The following CADPS variants were observed in gnomAD, a reference collection of about 807,000 sequenced individuals.
The protein encoded by CADPS is calcium-dependent secretion activator 1.
In CADPS, 57 loss-of-function variants were observed where a neutral mutation model predicts 167.3. That is an observed-to-expected ratio of 0.34 (90% CI 0.28 to 0.42). CADPS has a LOEUF of 0.42. CADPS is among the 20% of genes least tolerant of loss of function. The pLI is 1.00. For missense variants in CADPS, 1,414 were observed against 1,738.1 expected, an observed-to-expected ratio of 0.81 and a Z score of 3.32; for synonymous variants, 676 against 635.3, an observed-to-expected ratio of 1.06 and a Z score of -0.96.
intron 1 of CADPS, among the ~76,000 whole-genome samples, chr3:62,848,027 C>T (rs2077813886): frequency 8.5e-6 from 1 of 118,286 alleles, no homozygotes; most frequent in Non-Finnish European, 1.7e-5. Context: ...CTCTGATGGC[C>T]AGTGATGATG....
At chr3:62,675,616 T>A (rs978592012) in intron 3 of CADPS, among the ~76,000 whole-genome samples, 9 of 152,122 alleles carry the variant, frequency 5.9e-5, no homozygotes, top group African/African-American at 2.2e-4. Context: ...CAATATTGGC[T>A]GCAATACACA....
In CADPS at chr3:62,557,413, G is replaced by A. The variant is rs1221521130; in HGVS notation, c.1745C>T (p.Pro582Leu). ...LDGYTVDYTD[P>L]QPGLEGGRAF... Reference sequence around the variant, plus strand: ...TGAGGGTCGGTGGGTACCTGGCTGGGGGTCGGTGTAATCCACAGTGTAGCC... The same window carrying A: ...TGAGGGTCGGTGGGTACCTGGCTGGAGGTCGGTGTAATCCACAGTGTAGCC... The change falls in exon 10 of 30, where the codon CCC (proline) becomes CTC (leucine). Residue 582 changes from proline (P) to leucine (L), a missense_variant. Transcript: ENST00000383710. The A allele has an allele frequency of 6.2e-7, 1 of 1,612,984 alleles. No individual in the cohort carries two copies. The highest frequency in any genetic ancestry group is 2.2e-5 in the East Asian group (1 of 44,874).
At chr3:62,477,389 G>A (rs1026006460) in intron 23 of CADPS, among the ~76,000 whole-genome samples, 1 of 151,824 alleles carries the variant, frequency 6.6e-6, no homozygotes, top group African/African-American at 2.4e-5. Flanking sequence ...TGTGTATCTG[G>A]GGGTAGACAG....
At chr3:62,411,435 C>G (rs1653668236) in intron 28 of CADPS, among the ~76,000 whole-genome samples, 1 of 152,078 alleles carries the variant, frequency 6.6e-6, no homozygotes, top group African/African-American at 2.4e-5. Flanking sequence ...CAAAAGTGAA[C>G]TATTATTTAA....
intron 3 of CADPS, among the ~76,000 whole-genome samples, chr3:62,681,411 G>C (rs907483909): frequency 6.6e-6 from 1 of 152,040 alleles, no homozygotes; most frequent in Non-Finnish European, 1.5e-5. Context: ...CATAACCTTA[G>C]AGACTGGCAC....
At chr3:62,694,299 A>G (rs2079850734) in intron 3 of CADPS, among the ~76,000 whole-genome samples, 1 of 152,142 alleles carries the variant, frequency 6.6e-6, no homozygotes, top group Non-Finnish European at 1.5e-5. Flanking sequence ...TCTGTGCCAT[A>G]ATTGGTTTGA....
In CADPS at chr3:62,793,946, C is replaced by A. The variant is rs766552922; in HGVS notation, c.442-27962G>T. On this transcript the variant is annotated intron_variant, in intron 1 of 29. Transcript: ENST00000383710. The stretch of plus-strand genomic sequence containing the variant: ...GGAACTCCCTGGGGTGTCCTAGAGC[C>A]AAGAAGTCCAGGCAAAACTAAAGAT... Among the ~76,000 whole-genome samples, 113 of 152,248 alleles carry A rather than the reference C, an allele frequency of 7.4e-4. 1 individual carries two copies. The highest frequency in any genetic ancestry group is 1.4e-3 in the Non-Finnish European group (93 of 68,012).
chr3:62,637,462 T>G (rs1239745122), intron 6 of CADPS, among the ~76,000 whole-genome samples: 1 of 152,210 alleles, frequency 6.6e-6, no homozygotes, highest in Non-Finnish European at 1.5e-5. Context: ...GAGCCTCTTT[T>G]TAGACTCACG....
intron 2 of CADPS, among the ~76,000 whole-genome samples, chr3:62,757,997 C>T (rs982116593): frequency 8.5e-5 from 13 of 152,190 alleles, no homozygotes; most frequent in African/African-American, 2.7e-4. Flanking sequence ...CCCCATGACA[C>T]GTGGGAATTA....
At chr3:62,556,671 C>T (rs918804063) in intron 10 of CADPS, among the ~76,000 whole-genome samples, 4 of 151,652 alleles carry the variant, frequency 2.6e-5, no homozygotes, top group Non-Finnish European at 4.4e-5. Context: ...AGGCTGATTT[C>T]TATTCATTTT....
At chr3:62,870,714 C>T (rs1045376365) in intron 1 of CADPS, among the ~76,000 whole-genome samples, 1 of 152,130 alleles carries the variant, frequency 6.6e-6, no homozygotes, top group African/African-American at 2.4e-5. Flanking sequence ...TCATTTTAAA[C>T]TATTAGAATA....
rs144449846 is a variant in CADPS, at chr3:62,874,709, C to T, written c.321G>A (p.Arg107=). The T allele has an allele frequency of 1.3e-6, 2 of 1,545,684 alleles. No homozygotes were observed. Among genetic ancestry groups the T allele is most frequent in the Non-Finnish European group, 8.8e-7 (1 of 1,140,996 alleles). ...VSEKEKEELE[R]LQKEEEERKK... ...TCCTCTCCTCCTCCTCTTTCTGCAG[C>T]CGCTCCAACTCTTCCTTCTCCTTCT... Residue 107 remains arginine (R), a synonymous_variant, in exon 1 of 30, where the codon CGG becomes CGA. Coordinates refer to ENST00000383710, the MANE Select transcript of CADPS (RefSeq NM_003716.4). The surrounding 1 kb of genome is among the most constrained non-coding windows in gnomAD (Gnocchi z 7.1).
chr3:62,638,389 C>T (rs2149875835), intron 6 of CADPS, among the ~76,000 whole-genome samples: 1 of 152,146 alleles, frequency 6.6e-6, no homozygotes, highest in South Asian at 2.1e-4. Flanking sequence ...AATACAGTGG[C>T]TTTTCACATT....
intron 1 of CADPS, among the ~76,000 whole-genome samples, chr3:62,828,630 G>T (rs2074494580): frequency 6.6e-6 from 1 of 152,052 alleles, no homozygotes; most frequent in Admixed American, 6.6e-5. Flanking sequence ...TATATTCACA[G>T]TTGAGGGCCA....
Position 62,599,861 on chromosome 3 carries a change from A to G in CADPS, c.1326-7113T>C, listed in dbSNP as rs1409928553. Among the ~76,000 whole-genome samples, 3 of 53,782 alleles carry G rather than the reference A, an allele frequency of 5.6e-5. No individual in the cohort carries two copies. In the Admixed American group the frequency reaches 1.0e-3, roughly 18 times the overall value. The allele number at this position is 53,782 out of a possible 152,430, so 35.3% of individuals were successfully genotyped here. A position where few individuals can be genotyped will look rare whatever the true frequency, so the allele number is the denominator to read the frequency against. ...TATATTATATATATATAATATATATAATATATAATAATATATAATATATAT... is the reference window on the plus strand; with the variant it reads ...TATATTATATATATATAATATATATGATATATAATAATATATAATATATAT... On this transcript the variant is annotated intron_variant, in intron 6 of 29. Coordinates refer to ENST00000383710, the MANE Select transcript of CADPS (RefSeq NM_003716.4).
chr3:62,636,468 C>A (rs1288502071), intron 6 of CADPS, among the ~76,000 whole-genome samples: 2 of 152,172 alleles, frequency 1.3e-5, no homozygotes, highest in African/African-American at 4.8e-5. Context: ...TACCAAGGAA[C>A]CCAGGTGACT....
intron 1 of CADPS, among the ~76,000 whole-genome samples, chr3:62,818,932 A>T (rs2094758025): frequency 6.6e-6 from 1 of 152,106 alleles, no homozygotes; most frequent in Non-Finnish European, 1.5e-5. Context: ...AACACAAAAG[A>T]TCATACATTG....
At chr3:62,498,122 G>T (rs767106539) in intron 18 of CADPS, 1 of 456,506 alleles carries the variant, frequency 2.2e-6, no homozygotes, top group African/African-American at 2.0e-5. Flanking sequence ...GCAGGTGGCT[G>T]GTTCATTCGG....
chr3:62,650,832 C>T lies in CADPS; in HGVS notation c.1203+15G>A, dbSNP rs1234989231. The T allele has an allele frequency of 1.9e-6, 3 of 1,605,794 alleles. No individual in the cohort carries two copies. Among genetic ancestry groups the T allele is most frequent in the African/African-American group, 2.7e-5 (2 of 74,728 alleles). On this transcript the variant is annotated intron_variant, in intron 5 of 29. Transcript: ENST00000383710. ...TGCTGTGCCAAGAAACTTTCAAGGG[C>T]TCAGGGCTTTTTACCTCCAATGAGA...
Sources: gnomAD v4.1 joint callset for allele counts (sites outside exome capture counted in the v4.1 genomes callset) on GRCh38, gnomAD v4.1.1 for gene constraint, Gnocchi (gnomAD v3.1) non-coding constraint, MANE v1.5 for transcripts, NCBI Gene and HGNC (gene_info 2026-07-23, HGNC 2026-07-21) for gene names.